The following NAA35 variants were observed in gnomAD, a reference collection of about 807,000 sequenced individuals.
NAA35 encodes N-alpha-acetyltransferase 35, NatC auxiliary subunit, also known as MAK10 homolog, amino-acid N-acetyltransferase subunit.
In NAA35, 18 loss-of-function variants were observed where a neutral mutation model predicts 101.7. That is an observed-to-expected ratio of 0.18 (90% CI 0.12 to 0.26). The LOEUF (loss-of-function observed/expected upper bound fraction) is 0.26. NAA35 is among the 10% of genes least tolerant of loss of function. NAA35 has a pLI of 1.00. For missense variants in NAA35, 601 were observed against 886.8 expected (o/e 0.68, Z 4.09); for synonymous variants, 267 against 273.1 (o/e 0.98, Z 0.22).
chr9:86,011,656 G>A (rs529309180), intron 15 of NAA35, among the ~76,000 whole-genome samples: 15 of 150,702 alleles, frequency 1.0e-4, no homozygotes, highest in Admixed American at 4.0e-4. Flanking sequence ...CACCGCACCC[G>A]GCTTCATTTT....
chr9:85,961,951 C>G (rs1829532174), intron 5 of NAA35, 62 bp from the exon 6 acceptor site: 5 of 1,352,356 alleles, frequency 3.7e-6, no homozygotes, highest in Non-Finnish European at 5.0e-6. Context: ...ACTCTAGGAT[C>G]AATTTAGACT....
rs772201329 is a variant in NAA35, at chr9:86,022,709, A to C, written c.*749A>C. 6.6e-6 allele frequency among the ~76,000 whole-genome samples: 1 copy of C among 152,228 alleles called. No individual in the cohort carries two copies. Among genetic ancestry groups the C allele is most frequent in the African/African-American group, 2.4e-5 (1 of 41,462 alleles). On this transcript the variant is annotated 3_prime_UTR_variant, in exon 23 of 23. Coordinates refer to ENST00000361671, the MANE Select transcript of NAA35 (RefSeq NM_024635.4). The stretch of plus-strand genomic sequence containing the variant: ...GTTTACTTCATATTCAGTTTAACCC[A>C]TGAAACATTTTCAAATGGGTGTCTG...
intron 6 of NAA35, among the ~76,000 whole-genome samples, chr9:85,964,092 A>T (rs146222223): frequency 6.6e-6 from 1 of 151,828 alleles, no homozygotes; most frequent in South Asian, 2.1e-4. Context: ...GTGTGTGTCA[A>T]TGAATATGAG....
chr9:85,991,426 G>A (rs1204924019), intron 11 of NAA35, among the ~76,000 whole-genome samples: 1 of 152,110 alleles, frequency 6.6e-6, no homozygotes, highest in Non-Finnish European at 1.5e-5. Context: ...ATTGTGGAAG[G>A]TTTCCCAGGT....
chr9:86,006,255 A>G (rs1297679074), intron 13 of NAA35, among the ~76,000 whole-genome samples: 2 of 152,194 alleles, frequency 1.3e-5, no homozygotes, highest in Non-Finnish European at 2.9e-5. Flanking sequence ...TGCTTTGGAA[A>G]ATAGCTTGGC....
In NAA35 at chr9:86,025,418, T is replaced by G. The variant is rs1564335688; in HGVS notation, c.*3458T>G. 6.6e-6 allele frequency among the ~76,000 whole-genome samples: 1 copy of G among 152,156 alleles called. No homozygotes were observed. Among genetic ancestry groups the G allele is most frequent in the South Asian group, 2.1e-4 (1 of 4,832 alleles). ...GGCTTGAAGAACTGACTTCCCCATA[T>G]TCATACTTGCCCCACTCTATTTGTG... On this transcript the variant is annotated 3_prime_UTR_variant, in exon 23 of 23. Transcript: ENST00000361671.
intron 1 of NAA35, chr9:85,941,641 T>G: frequency 1.0e-6 from 1 of 986,392 alleles, no homozygotes; most frequent in Non-Finnish European, 1.2e-6. Flanking sequence ...GGCGGGACCC[T>G]GCGGTGCCTG....
intron 8 of NAA35, among the ~76,000 whole-genome samples, chr9:85,976,429 G>A (rs1358558945): frequency 6.6e-6 from 1 of 152,028 alleles, no homozygotes; most frequent in Non-Finnish European, 1.5e-5. Flanking sequence ...TTCTGCTTAT[G>A]TTATTTCATT....
chr9:85,974,463 G>A (rs1276009243), intron 6 of NAA35, among the ~76,000 whole-genome samples: 1 of 152,126 alleles, frequency 6.6e-6, no homozygotes, highest in African/African-American at 2.4e-5. Context: ...GAATGACTCA[G>A]TTTTTTTCCT....
chr9:86,008,143 A>C (rs1276801764), intron 14 of NAA35, among the ~76,000 whole-genome samples: 1 of 151,716 alleles, frequency 6.6e-6, no homozygotes, highest in African/African-American at 2.4e-5. Flanking sequence ...GCTTACTGCA[A>C]CCTCCGCCTC....
At chr9:85,997,830 A>G (rs756551675) in intron 12 of NAA35, among the ~76,000 whole-genome samples, 38 of 152,180 alleles carry the variant, frequency 2.5e-4, no homozygotes, top group Non-Finnish European at 4.1e-4. Context: ...TTCTGTCTTC[A>G]AAACATATAA....
In NAA35 at chr9:86,025,370, G is replaced by T. The variant is rs1014701837; in HGVS notation, c.*3410G>T. On this transcript the variant is annotated 3_prime_UTR_variant, in exon 23 of 23. Transcript: ENST00000361671. ...AGTCAGTTGAGGTGTAGACCATGCA[G>T]TGAGGAAAGAGCGACTCAACTGGGC... 2.0e-5 allele frequency among the ~76,000 whole-genome samples: 3 copies of T among 152,168 alleles called. No homozygotes were observed. Among genetic ancestry groups the T allele is most frequent in the Non-Finnish European group, 4.4e-5 (3 of 68,028 alleles).
rs1434612844 is a variant in NAA35, at chr9:86,003,643, A to C, written c.1115A>C (p.Gln372Pro). ...TGTGTTCTTTCAAGATCTCTGTTAC[A>C]AGTAAGTTCCACTTAGTATCAAAAT... is the stretch of plus-strand genomic sequence containing the variant. ...SPCVLSRSLL[Q>P]TTFLVDNKKV... The change falls in exon 13 of 23, where the codon CAA (glutamine) becomes CCA (proline). Residue 372 changes from glutamine to proline, a missense_variant and splice_region_variant. Coordinates refer to ENST00000361671, the MANE Select transcript of NAA35 (RefSeq NM_024635.4). 6.3e-7 allele frequency: 1 copy of C among 1,579,954 alleles called. No individual in the cohort carries two copies. Among genetic ancestry groups the C allele is most frequent in the Admixed American group, 1.7e-5 (1 of 58,398 alleles).
intron 6 of NAA35, among the ~76,000 whole-genome samples, chr9:85,968,361 C>T (rs983311066): frequency 1.1e-4 from 17 of 152,160 alleles, no homozygotes; most frequent in African/African-American, 4.1e-4. Flanking sequence ...CAGGCACCCA[C>T]CACCACACCT....
rs141394669 is a variant in NAA35 at position 85,956,665 on chromosome 9, A to T, written c.158+272A>T. Among the ~76,000 whole-genome samples, 198 of 152,326 alleles carry T rather than the reference A, an allele frequency of 1.3e-3. 1 individual carries two copies. Among genetic ancestry groups the T allele is most frequent in the African/African-American group, 4.6e-3 (191 of 41,570 alleles). ...GAATGTGGAATTTCTTGAATAAAAG[A>T]TATCAGTTGTATGTCATATGTGATA... On this transcript the variant is annotated intron_variant, in intron 3 of 22. Coordinates refer to ENST00000361671, the MANE Select transcript of NAA35 (RefSeq NM_024635.4).
intron 6 of NAA35, chr9:85,966,564 T>C (rs753662937): frequency 1.0e-5 from 11 of 1,080,624 alleles, no homozygotes; most frequent in Admixed American, 3.3e-5. Flanking sequence ...TTCTTTCTTT[T>C]TTTTTTAACC....
intron 6 of NAA35, chr9:85,966,658 A>C: frequency 5.4e-6 from 7 of 1,296,394 alleles, no homozygotes; most frequent in Non-Finnish European, 7.1e-6. Flanking sequence ...AAAATGTTCA[A>C]TGTTGGAAGG....
In NAA35 at chr9:85,962,009, A is replaced by G. The variant is rs199548318; in HGVS notation, c.349-4A>G. 1,105 of 1,597,940 alleles carry G rather than the reference A, an allele frequency of 6.9e-4. 2 individuals carry two copies. The highest frequency in any genetic ancestry group is 8.6e-4 in the Non-Finnish European group (1,016 of 1,174,810). Reference sequence around the variant, plus strand: ...TAAATATATACTCTTTTGTTTCTTTATAGATAACGTGGTTAGAAGGCCATT... The same window carrying G: ...TAAATATATACTCTTTTGTTTCTTTGTAGATAACGTGGTTAGAAGGCCATT... On this transcript the variant is annotated splice_polypyrimidine_tract_variant and splice_region_variant and intron_variant, in intron 5 of 22. Coordinates refer to ENST00000361671, the MANE Select transcript of NAA35 (RefSeq NM_024635.4).
intron 12 of NAA35, among the ~76,000 whole-genome samples, chr9:86,001,080 G>A (rs962976123): frequency 6.6e-6 from 1 of 151,998 alleles, no homozygotes; most frequent in African/African-American, 2.4e-5. Flanking sequence ...ATTTTGGTAT[G>A]TTGTATCTTT....
Sources: gnomAD v4.1 joint callset for allele counts (sites outside exome capture counted in the v4.1 genomes callset) on GRCh38, gnomAD v4.1.1 for gene constraint, MANE v1.5 for transcripts, NCBI Gene and HGNC (gene_info 2026-07-23, HGNC 2026-07-21) for gene names.